PCOLCE2: variants seen among roughly 807,000 people sequenced by gnomAD.
PCOLCE2 encodes the protein procollagen C-proteinase enhancer 2.
Under a neutral mutation model 47.0 loss-of-function variants are expected in PCOLCE2, and 42 were observed. That is an observed-to-expected ratio of 0.89 (90% CI 0.70 to 1.16). The LOEUF is 1.16. PCOLCE2 is among the 50% of genes most tolerant of loss of function. PCOLCE2 has a pLI of 0.00. For synonymous variants in PCOLCE2, 169 were observed against 191.7 expected, an observed-to-expected ratio of 0.88 and a Z score of 0.98; for missense variants, 500 against 526.1, an observed-to-expected ratio of 0.95 and a Z score of 0.49.
chr3:142,823,041 T>G (rs1353590524), intron 7 of PCOLCE2, among the ~76,000 whole-genome samples: 2 of 152,204 alleles, frequency 1.3e-5, no homozygotes, highest in African/African-American at 4.8e-5. Flanking sequence ...AGGTTCCAGT[T>G]TGTGAGAGTT....
chr3:142,884,319 C>G (rs569642387), intron 2 of PCOLCE2, among the ~76,000 whole-genome samples: 1 of 152,126 alleles, frequency 6.6e-6, no homozygotes, highest in Non-Finnish European at 1.5e-5. Context: ...ATGCCTCACC[C>G]CAACCCTATT....
chr3:142,827,091 T>TA, intron 6 of PCOLCE2: 5 of 1,368,814 alleles, frequency 3.7e-6, no homozygotes, highest in Non-Finnish European at 5.2e-6. Flanking sequence ...TTGAGCCCCT[T>TA]AGCACTAGTT....
chr3:142,851,876 T>G (rs1329365516), intron 2 of PCOLCE2, among the ~76,000 whole-genome samples: 1 of 152,214 alleles, frequency 6.6e-6, no homozygotes, highest in Non-Finnish European at 1.5e-5. Context: ...GACTCTCTCC[T>G]GTAGAGAGGT....
intron 2 of PCOLCE2, among the ~76,000 whole-genome samples, chr3:142,867,767 G>A (rs1289074820): frequency 6.6e-6 from 1 of 152,160 alleles, no homozygotes; most frequent in African/African-American, 2.4e-5. Context: ...GCCAATGGGA[G>A]TGCAAAATGG....
chr3:142,883,913 T>C (rs1269400604), intron 2 of PCOLCE2, among the ~76,000 whole-genome samples: 1 of 152,172 alleles, frequency 6.6e-6, no homozygotes, highest in East Asian at 1.9e-4. Flanking sequence ...GTAAGATGCC[T>C]GGTGGGCTTT....
At chr3:142,835,790 T>C (rs1025610620) in intron 5 of PCOLCE2, among the ~76,000 whole-genome samples, 1 of 152,052 alleles carries the variant, frequency 6.6e-6, no homozygotes, top group African/African-American at 2.4e-5. Context: ...TACAGGTGCA[T>C]GCCACCATTC....
intron 2 of PCOLCE2, among the ~76,000 whole-genome samples, chr3:142,886,914 T>G (rs1320856735): frequency 3.3e-5 from 5 of 152,204 alleles, no homozygotes; most frequent in Admixed American, 6.5e-5. Context: ...ACAATCTGAC[T>G]GAAAGAAGCT....
chr3:142,880,812 C>G (rs1186292038), intron 2 of PCOLCE2, among the ~76,000 whole-genome samples: 1 of 152,108 alleles, frequency 6.6e-6, no homozygotes, highest in Non-Finnish European at 1.5e-5. Context: ...GTAAAATAAC[C>G]CTGGGAAGTC....
chr3:142,826,894 T>C (rs911710306), intron 6 of PCOLCE2, among the ~76,000 whole-genome samples: 3 of 152,178 alleles, frequency 2.0e-5, no homozygotes, highest in African/African-American at 7.2e-5. Context: ...CCCTCGCCAC[T>C]GCTTTTCAGT....
chr3:142,886,051 T>C (rs1933712454), intron 2 of PCOLCE2, among the ~76,000 whole-genome samples: 1 of 152,212 alleles, frequency 6.6e-6, no homozygotes, highest in Admixed American at 6.5e-5. Flanking sequence ...ACACAGTTTA[T>C]GGCGGTGAAA....
chr3:142,858,718 ATTTT>A (rs1933119534), intron 2 of PCOLCE2, among the ~76,000 whole-genome samples: 1 of 133,848 alleles, frequency 7.5e-6, no homozygotes, highest in Admixed American at 7.5e-5. Context: ...TGTATACAGG[ATTTT>A]GTGTGTGTGT....
At chr3:142,882,141 C>T (rs145397341) in intron 2 of PCOLCE2, among the ~76,000 whole-genome samples, 125 of 151,888 alleles carry the variant, frequency 8.2e-4, no homozygotes, top group African/African-American at 2.9e-3. Flanking sequence ...GAGATCCTCT[C>T]ATCTCAGCCA....
chr3:142,888,282 T>C (rs952169866), intron 1 of PCOLCE2, among the ~76,000 whole-genome samples: 21 of 152,202 alleles, frequency 1.4e-4, no homozygotes, highest in Non-Finnish European at 2.1e-4. Flanking sequence ...TGATGGAGGC[T>C]GAAGAGGTGA....
At chr3:142,825,703 C>G (rs918022198) in intron 6 of PCOLCE2, among the ~76,000 whole-genome samples, 1 of 152,186 alleles carries the variant, frequency 6.6e-6, no homozygotes, top group Non-Finnish European at 1.5e-5. Flanking sequence ...CCCGTCAGCC[C>G]TGGCCTGTCT....
chr3:142,842,267 T>C lies in PCOLCE2; in HGVS notation c.573+657A>G, dbSNP rs1415751305. Among the ~76,000 whole-genome samples the C allele has an allele frequency of 5.3e-5, 8 of 152,172 alleles. No individual in the cohort carries two copies. Among genetic ancestry groups the C allele is most frequent in the Admixed American group, 1.3e-4 (2 of 15,276 alleles). On this transcript the variant is annotated intron_variant, in intron 4 of 8. Transcript: ENST00000295992. This position sits in a 1 kb window ranked among gnomAD's most constrained non-coding sequence, Gnocchi z 4.1. ...GATGGGAGCAAATGGTAACCTGAAA[T>C]GTCCATGGACCTGGGGATTTTTATC...
chr3:142,824,930 T>G (rs34076811), intron 6 of PCOLCE2, among the ~76,000 whole-genome samples: 34,972 of 152,126 alleles, frequency 0.23, 4,087 homozygotes, highest in East Asian at 0.3. Context: ...GCCCAGCCTA[T>G]TTATATACTC....
chr3:142,834,205 AG>A (rs938270732), intron 5 of PCOLCE2, among the ~76,000 whole-genome samples: 17 of 152,290 alleles, frequency 1.1e-4, no homozygotes, highest in African/African-American at 4.1e-4. Context: ...CTTTCTGATA[AG>A]GTTCCATACA....
intron 5 of PCOLCE2, among the ~76,000 whole-genome samples, chr3:142,830,105 G>A (rs1325523464): frequency 6.6e-6 from 1 of 152,108 alleles, no homozygotes; most frequent in Non-Finnish European, 1.5e-5. Context: ...TATGGAAAAG[G>A]CAATTGAAGT....
intron 2 of PCOLCE2, among the ~76,000 whole-genome samples, chr3:142,881,063 T>C (rs1933602404): frequency 6.6e-6 from 1 of 152,224 alleles, no homozygotes; most frequent in Non-Finnish European, 1.5e-5. Flanking sequence ...CTTGTCTAAC[T>C]GCTCCCCACA....
Sources: gnomAD v4.1 joint callset for allele counts (sites outside exome capture counted in the v4.1 genomes callset) on GRCh38, gnomAD v4.1.1 for gene constraint, Gnocchi (gnomAD v3.1) non-coding constraint, MANE v1.5 for transcripts, NCBI Gene and HGNC (gene_info 2026-07-23, HGNC 2026-07-21) for gene names.